Variants in FGD4 observed in about 807,000 individuals in gnomAD.
FGD4 encodes FYVE, RhoGEF and PH domain-containing protein 4.
A neutral mutation model predicts 102.0 loss-of-function variants in FGD4; 42 were observed. The ratio of observed to expected loss-of-function variants is 0.41; its 90% CI spans 0.32 to 0.53. The LOEUF (loss-of-function observed/expected upper bound fraction) is 0.53, where lower values mean the gene tolerates loss of function less well. Among genes scored for constraint, FGD4 ranks in the 20% least tolerant of loss-of-function variants. FGD4 has a pLI of 0.21. For missense variants in FGD4, 902 were observed against 1,078.2 expected, an observed-to-expected ratio of 0.84 and a Z score of 2.29; for synonymous variants, 380 against 375.7, an observed-to-expected ratio of 1.01 and a Z score of -0.13.
At chr12:32,515,474 C>T (rs1052252488) in intron 1 of FGD4, among the ~76,000 whole-genome samples, 1 of 152,198 alleles carries the variant, frequency 6.6e-6, no homozygotes, top group African/African-American at 2.4e-5. Context: ...AAGCAGACTT[C>T]CTAAGGTGTT....
chr12:32,481,464 A>G (rs375958408), intron 1 of FGD4, among the ~76,000 whole-genome samples: 1 of 152,210 alleles, frequency 6.6e-6, no homozygotes, highest in Admixed American at 6.5e-5. Context: ...GTATTTCTAA[A>G]TAAAATGCTA....
chr12:32,612,450 A>G (rs141330889), intron 10 of FGD4, among the ~76,000 whole-genome samples: 2,910 of 152,304 alleles, frequency 0.019, 82 homozygotes, highest in African/African-American at 0.067. Context: ...GAACTCAGGC[A>G]AAGGAGCCAC....
chr12:32,630,245 AGTC>A (rs1162776336), intron 14 of FGD4, among the ~76,000 whole-genome samples: 1 of 152,272 alleles, frequency 6.6e-6, no homozygotes, highest in African/African-American at 2.4e-5. Flanking sequence ...TCCAGGATCC[AGTC>A]GTATTATAGC....
chr12:32,470,535 C>T (rs1006081034), intron 1 of FGD4, among the ~76,000 whole-genome samples: 1 of 143,386 alleles, frequency 7.0e-6, no homozygotes, highest in Non-Finnish European at 1.5e-5. Context: ...ATGATCTTGG[C>T]TCATTGCTCC....
At chr12:32,480,164 TG>T (rs200686717) in intron 1 of FGD4, among the ~76,000 whole-genome samples, 1 of 148,374 alleles carries the variant, frequency 6.7e-6, no homozygotes, top group Non-Finnish European at 1.5e-5. Context: ...GGGTTTTTTT[TG>T]TTTTTTTTGT....
chr12:32,622,422 A>G (rs149480309), intron 11 of FGD4, among the ~76,000 whole-genome samples: 1 of 152,298 alleles, frequency 6.6e-6, no homozygotes, highest in East Asian at 1.9e-4. Flanking sequence ...AGTACAGGCA[A>G]TCATCACTTT....
At chr12:32,612,057 G>A (rs551101427) in intron 10 of FGD4, among the ~76,000 whole-genome samples, 2 of 152,376 alleles carry the variant, frequency 1.3e-5, no homozygotes, top group African/African-American at 2.4e-5. Context: ...TTGGGGCAGC[G>A]CTGATATGCC....
intron 1 of FGD4, among the ~76,000 whole-genome samples, chr12:32,499,882 G>A (rs1484152356): frequency 1.3e-5 from 2 of 152,228 alleles, no homozygotes; most frequent in Non-Finnish European, 1.5e-5. Flanking sequence ...GCTGGGTGTG[G>A]TGGCACATGC....
intron 1 of FGD4, among the ~76,000 whole-genome samples, chr12:32,411,941 C>T (rs1214611774): frequency 1.3e-5 from 2 of 152,092 alleles, no homozygotes; most frequent in African/African-American, 4.8e-5. Flanking sequence ...CGCCACTGAA[C>T]TCCAGACTGG....
In FGD4 at chr12:32,541,862, T is replaced by A. The variant is rs187528056; in HGVS notation, c.167-22275T>A. ...GCAGTAAAAATATTTCTCTAATTTA[T>A]AAGGAAGTTAAGTAACTTTCCCACA... is the stretch of plus-strand genomic sequence containing the variant. On this transcript the variant is annotated intron_variant, in intron 1 of 16. Coordinates refer to ENST00000534526, the MANE Select transcript of FGD4 (RefSeq NM_001370298.3). 7.2e-5 allele frequency among the ~76,000 whole-genome samples: 11 copies of A among 152,274 alleles called. No individual in the cohort carries two copies. The East Asian group carries it at 1.5e-3, about 21-fold the overall frequency.
At position 32,444,208 on chromosome 12, in the gene FGD4, G is replaced by A. The variant is rs933449973; in HGVS notation, c.166+44249G>A. On this transcript the variant is annotated intron_variant, in intron 1 of 16. Transcript: ENST00000534526. ...CTGGCACATTTTAAAATTTTTTATA[G>A]AGACAGGGTCTTACTATGTTGCCCA... Among the ~76,000 whole-genome samples the A allele has an allele frequency of 7.2e-5, 11 of 151,736 alleles. 1 individual carries two copies. Among genetic ancestry groups the A allele is most frequent in the Non-Finnish European group, 1.5e-5 (1 of 67,950 alleles).
chr12:32,501,967 T>C, intron 1 of FGD4: 4 of 936,724 alleles, frequency 4.3e-6, no homozygotes, highest in Non-Finnish European at 5.1e-6. Context: ...CTTGTTTAAA[T>C]AGCCAAACAC....
chr12:32,545,171 A>G (rs565903026), intron 1 of FGD4, among the ~76,000 whole-genome samples: 3 of 152,334 alleles, frequency 2.0e-5, no homozygotes, highest in South Asian at 4.1e-4. Context: ...AACTGACACA[A>G]TCGCATGGTA....
chr12:32,580,079 C>T (rs1946480079), intron 3 of FGD4, among the ~76,000 whole-genome samples: 1 of 152,178 alleles, frequency 6.6e-6, no homozygotes, highest in Non-Finnish European at 1.5e-5. Flanking sequence ...ATTTTGCCTA[C>T]AGCCTATTCA....
intron 11 of FGD4, among the ~76,000 whole-genome samples, chr12:32,620,631 A>G (rs577455416): frequency 1.5e-5 from 2 of 136,262 alleles, no homozygotes; most frequent in Non-Finnish European, 3.0e-5. Flanking sequence ...GGTTCAAGCT[A>G]TTCTCCTGGC....
intron 1 of FGD4, among the ~76,000 whole-genome samples, chr12:32,543,226 G>A (rs1279919613): frequency 2.0e-5 from 3 of 152,200 alleles, no homozygotes. Flanking sequence ...GATAAAGAGA[G>A]ATTAATACAT....
chr12:32,463,710 A>G (rs1410880184), intron 1 of FGD4, among the ~76,000 whole-genome samples: 3 of 152,230 alleles, frequency 2.0e-5, no homozygotes, highest in African/African-American at 7.2e-5. Flanking sequence ...GCCCCAAGAA[A>G]CTTAGGCTCC....
Position 32,564,173 on chromosome 12 carries a change from C to T in FGD4, c.203C>T (p.Pro68Leu). 3 of 1,536,094 alleles carry T rather than the reference C, an allele frequency of 2.0e-6. No individual in the cohort carries two copies. Among genetic ancestry groups the T allele is most frequent in the Non-Finnish European group, 2.6e-6 (3 of 1,146,898 alleles). ...TGTCCAAAGATCGCTTTAGTTCCAC[C>T]TTGCTCCACAAGCAGCACAACCACA... is the stretch of plus-strand genomic sequence containing the variant. The part of the protein sequence containing the change: ...STCPKIALVP[P>L]CSTSSTTTLV... The change falls in exon 2 of 17, where the codon CCT (proline) becomes CTT (leucine). Residue 68 changes from proline to leucine, a missense_variant. Around this residue, in one of 2 missense-constraint regions of FGD4, gnomAD observed 443 missense variants for 459.2 expected, o/e 0.96. Transcript: ENST00000534526.
chr12:32,635,693 T>C (rs570860836), intron 15 of FGD4, among the ~76,000 whole-genome samples: 27 of 152,274 alleles, frequency 1.8e-4, no homozygotes, highest in Non-Finnish European at 3.7e-4. Context: ...TTTTACAAAA[T>C]TAAAATTATA....
Sources: gnomAD v4.1 joint callset for allele counts (sites outside exome capture counted in the v4.1 genomes callset) on GRCh38, gnomAD v4.1.1 for gene constraint, gnomAD v4.1.1 regional missense constraint, MANE v1.5 for transcripts, NCBI Gene and HGNC (gene_info 2026-07-23, HGNC 2026-07-21) for gene names.